Variants in BEST3 observed in about 807,000 individuals in gnomAD.
BEST3 encodes bestrophin-3.
In BEST3, 50 loss-of-function variants were observed where a neutral mutation model predicts 47.1. The ratio of observed to expected loss-of-function variants is 1.06; its 90% CI spans 0.85 to 1.34. BEST3 has a LOEUF of 1.34. Ranked by LOEUF, BEST3 falls within the 40% of genes most tolerant of loss-of-function variation. The pLI, the probability that BEST3 is intolerant of heterozygous loss-of-function variation, is 0.00. For synonymous variants in BEST3, 282 were observed against 298.8 expected, an observed-to-expected ratio of 0.94 and a Z score of 0.58; for missense variants, 765 against 817.0, an observed-to-expected ratio of 0.94 and a Z score of 0.78.
chr12:69,689,274 C>G, intron 4 of BEST3: 2 of 985,816 alleles, frequency 2.0e-6, no homozygotes, highest in Non-Finnish European at 2.4e-6. Context: ...TCAGCCCTCT[C>G]TGCTGGGGAA....
At chr12:69,679,690 A>T (rs188982125) in intron 4 of BEST3, among the ~76,000 whole-genome samples, 1 of 152,142 alleles carries the variant, frequency 6.6e-6, no homozygotes, top group African/African-American at 2.4e-5. Flanking sequence ...GTGAAACCCC[A>T]TCTCTACTAA....
intron 4 of BEST3, among the ~76,000 whole-genome samples, chr12:69,681,952 G>A (rs1171507846): frequency 1.3e-5 from 2 of 151,836 alleles, no homozygotes; most frequent in Non-Finnish European, 2.9e-5. Context: ...GTAGTGGTAG[G>A]GACCTGTAAT....
Position 69,655,780 on chromosome 12 carries a change from C to T in BEST3, c.1134G>A (p.Trp378Ter), listed in dbSNP as rs1251338811. 2 of 1,612,004 alleles carry T rather than the reference C, an allele frequency of 1.2e-6. No individual in the cohort carries two copies. The highest frequency in any genetic ancestry group is 3.3e-5 in the Admixed American group (2 of 59,996). ...LSGSDFPDEEWLWDYEKHGHR... is the reference protein window; with the variant it reads ...LSGSDFPDEE ...GGCCATGCTTCTCATAATCCCACAG[C>T]CACTCCTCGTCAGGAAAGTCGGACC... Residue 378 changes from tryptophan to a stop codon, truncating the protein, a stop_gained, in exon 10 of 10, where the codon TGG becomes TGA. Transcript: ENST00000330891. LOFTEE classifies it low-confidence loss of function (END_TRUNC).
At chr12:69,695,827 A>G (rs2136050726) in intron 2 of BEST3, among the ~76,000 whole-genome samples, 1 of 152,306 alleles carries the variant, frequency 6.6e-6, no homozygotes, top group Admixed American at 6.5e-5. Flanking sequence ...CATATATATA[A>G]CCACTTAACA....
chr12:69,655,338 T>C lies in BEST3; in HGVS notation c.1576A>G (p.Ile526Val), dbSNP rs376818699. 21 of 1,613,922 alleles carry C rather than the reference T, an allele frequency of 1.3e-5. No individual in the cohort carries two copies. The highest frequency in any genetic ancestry group is 3.3e-5 in the Admixed American group (2 of 59,986). Residue 526 changes from isoleucine to valine, a missense_variant, in exon 10 of 10, where the codon ATC becomes GTC. Physicochemically the swap from Ile to Val is conservative, Grantham distance 29 (BLOSUM62 3). Coordinates refer to ENST00000330891, the MANE Select transcript of BEST3 (RefSeq NM_032735.3). The part of the protein sequence containing the change: ...GGYHHDSATS[I>V]LSSEFTGVQP... ...ACCCCTGTAAACTCAGAGCTCAAGA[T>C]GGAGGTAGCGGAATCATGGTGGTAG...
In BEST3 at chr12:69,697,604, C is replaced by T. The variant is rs192596371; in HGVS notation, c.152+43G>A. ...CAGATTTTTGAGACTGTATCTTACACAATATCTGATGGCCATTTAAGGAGA... is the reference window on the plus strand; with the variant it reads ...CAGATTTTTGAGACTGTATCTTACATAATATCTGATGGCCATTTAAGGAGA... On this transcript the variant is annotated intron_variant, in intron 2 of 9. Transcript: ENST00000330891. 476 of 1,469,866 alleles carry T rather than the reference C, an allele frequency of 3.2e-4. 6 individuals carry two copies. In the East Asian group the frequency reaches 0.011, roughly 34 times the overall value. 91.1% of individuals were successfully genotyped at this position (1,469,866 alleles called of 1,614,324 possible). A position where few individuals can be genotyped will look rare whatever the true frequency, so the allele number is the denominator to read the frequency against.
chr12:69,690,300 A>G (rs750479655), intron 4 of BEST3, among the ~76,000 whole-genome samples: 3 of 152,260 alleles, frequency 2.0e-5, no homozygotes, highest in Non-Finnish European at 2.9e-5. Context: ...TCAGTATTCC[A>G]CATGCCTCGG....
intron 4 of BEST3, among the ~76,000 whole-genome samples, chr12:69,680,186 T>C (rs1019066148): frequency 2.6e-5 from 4 of 151,996 alleles, no homozygotes; most frequent in African/African-American, 4.8e-5. Flanking sequence ...GAAGGGGAGA[T>C]TGAATGACTG....
chr12:69,689,851 C>T (rs1416851685), intron 4 of BEST3, among the ~76,000 whole-genome samples: 1 of 152,208 alleles, frequency 6.6e-6, no homozygotes, highest in Admixed American at 6.5e-5. Context: ...ATTCATGACC[C>T]TCAAGCTGAA....
At chr12:69,652,095 G>T (rs547208894), downstream of BEST3, among the ~76,000 whole-genome samples, 51 of 152,322 alleles carry the variant, frequency 3.3e-4, no homozygotes, top group African/African-American at 1.0e-3. Flanking sequence ...TTGGAAAATT[G>T]AGAAAAAGTT....
At chr12:69,656,541 T>A (rs1442212425) in intron 9 of BEST3, among the ~76,000 whole-genome samples, 8 of 152,122 alleles carry the variant, frequency 5.3e-5, no homozygotes, top group Non-Finnish European at 1.0e-4. Flanking sequence ...ATTGACTATA[T>A]ACTAAGGCCC....
chr12:69,655,242 G>A lies in BEST3; in HGVS notation c.1672C>T (p.Pro558Ser). The A allele has an allele frequency of 1.2e-6, 2 of 1,614,150 alleles. No individual in the cohort carries two copies. Among genetic ancestry groups the A allele is most frequent in the Non-Finnish European group, 1.7e-6 (2 of 1,180,020 alleles). ...SILSPSEKET[P>S]PGGPSPQTVS... ...GTCTGGGGACTGGGGCCTCCAGGAG[G>A]TGTCTCCTTCTCTGAGGGAGACAGG... Residue 558 changes from proline to serine, a missense_variant, in exon 10 of 10, where the codon CCT (proline) becomes TCT (serine). Coordinates refer to ENST00000330891, the MANE Select transcript of BEST3 (RefSeq NM_032735.3).
chr12:69,684,342 TG>T, intron 4 of BEST3: 1 of 421,818 alleles, frequency 2.4e-6, no homozygotes, highest in Non-Finnish European at 4.2e-6. Flanking sequence ...AATTGAGTTG[TG>T]GTTTGATGGA....
intron 4 of BEST3, chr12:69,687,190 G>A (rs1885664390): frequency 6.6e-6 from 1 of 152,248 alleles, no homozygotes; most frequent in Non-Finnish European, 1.5e-5. Context: ...AGCATCTGAA[G>A]TTAGAACTTT....
intron 4 of BEST3, among the ~76,000 whole-genome samples, chr12:69,679,937 G>T (rs1249757980): frequency 1.3e-5 from 2 of 148,208 alleles, no homozygotes; most frequent in Non-Finnish European, 3.0e-5. Flanking sequence ...GTGTGTGTGT[G>T]TAAAATGCAA....
rs1390419414 is a variant in BEST3, at chr12:69,654,572, A to G, written c.*335T>C. On this transcript the variant is annotated 3_prime_UTR_variant, in exon 10 of 10. Coordinates refer to ENST00000330891, the MANE Select transcript of BEST3 (RefSeq NM_032735.3). Reference sequence around the variant, plus strand: ...GGTCTAGGGGATTGGACTATGATCTATGAGACTCTTTCCACAACTAATAAT... The same window carrying G: ...GGTCTAGGGGATTGGACTATGATCTGTGAGACTCTTTCCACAACTAATAAT... 2 of 1,033,492 alleles carry G rather than the reference A, an allele frequency of 1.9e-6. No homozygotes were observed. Among genetic ancestry groups the G allele is most frequent in the Admixed American group, 4.9e-5 (1 of 20,288 alleles). 64.0% of individuals were successfully genotyped at this position (1,033,492 alleles called of 1,614,324 possible). A position where few individuals can be genotyped will look rare whatever the true frequency, so the allele number is the denominator to read the frequency against.
At chr12:69,666,854 G>A (rs1052260920) in intron 9 of BEST3, among the ~76,000 whole-genome samples, 7 of 152,064 alleles carry the variant, frequency 4.6e-5, no homozygotes, top group African/African-American at 1.4e-4. Flanking sequence ...GTTTATTACC[G>A]TTCTTCACTC....
intron 2 of BEST3, 94 bp downstream of exon 2, chr12:69,697,553 G>T: frequency 9.6e-7 from 1 of 1,036,708 alleles, no homozygotes; most frequent in Non-Finnish European, 1.4e-6. Flanking sequence ...GTTCCATAAT[G>T]CGAAGTCAGT....
chr12:69,694,013 A>G, intron 3 of BEST3, 106 bp from the exon 4 acceptor site: 1 of 807,302 alleles, frequency 1.2e-6, no homozygotes, highest in South Asian at 1.9e-5. Context: ...GAGGACAAAA[A>G]TATATTATTA....
Sources: gnomAD v4.1 joint callset for allele counts (sites outside exome capture counted in the v4.1 genomes callset) on GRCh38, gnomAD v4.1.1 for gene constraint, MANE v1.5 for transcripts, NCBI Gene and HGNC (gene_info 2026-07-23, HGNC 2026-07-21) for gene names.